S100Z: variants seen among roughly 807,000 people sequenced by gnomAD.
S100Z encodes the protein protein S100-Z.
In S100Z, 11 loss-of-function variants were observed where a neutral mutation model predicts 8.5. The ratio of observed to expected loss-of-function variants is 1.30; its 90% confidence interval spans 0.82 to 2.15. The LOEUF (loss-of-function observed/expected upper bound fraction) is 2.15. Among genes scored for constraint, S100Z ranks in the 30% most tolerant of loss-of-function variants. The pLI is 0.00. For synonymous variants in S100Z, 34 were observed against 43.8 expected (o/e 0.78, Z 0.89); for missense variants, 126 against 117.9 (o/e 1.07, Z -0.32).
At chr5:76,893,239 G>A (rs1446436251) in intron 4 of S100Z, among the ~76,000 whole-genome samples, 1 of 152,124 alleles carries the variant, frequency 6.6e-6, no homozygotes, top group African/African-American at 2.4e-5. Context: ...AATTTTTAAG[G>A]TATTGCTTTG....
At chr5:76,861,561 A>T (rs1751057130) in intron 1 of S100Z, among the ~76,000 whole-genome samples, 1 of 151,656 alleles carries the variant, frequency 6.6e-6, no homozygotes, top group African/African-American at 2.4e-5. Flanking sequence ...CTGGTCTCGA[A>T]CTCCTGACCT....
chr5:76,918,218 T>C (rs1005246298), intron 4 of S100Z, among the ~76,000 whole-genome samples: 1 of 152,208 alleles, frequency 6.6e-6, no homozygotes. Flanking sequence ...GTTTTTACTT[T>C]GTTTTTGAGA....
intron 3 of S100Z, among the ~76,000 whole-genome samples, chr5:76,875,742 C>G (rs1743169046): frequency 6.6e-6 from 1 of 152,116 alleles, no homozygotes; most frequent in Non-Finnish European, 1.5e-5. Flanking sequence ...GTATTTTTGA[C>G]TTTCACCAAT....
At chr5:76,895,786 T>C (rs1315569613) in intron 4 of S100Z, among the ~76,000 whole-genome samples, 4 of 146,030 alleles carry the variant, frequency 2.7e-5, no homozygotes, top group African/African-American at 1.0e-4. Flanking sequence ...TTTTTTTTTT[T>C]TGAGACAGAG....
rs138375200 is a variant in S100Z, at chr5:76,876,249, C to G, written c.141+749C>G. Among the ~76,000 whole-genome samples, 693 of 152,232 alleles carry G rather than the reference C, an allele frequency of 4.6e-3. 3 individuals are homozygous for G. The highest frequency in any genetic ancestry group is 0.016 in the African/African-American group (658 of 41,526). ...CTGTTAATTACAACACATGTTTCTCCCCACCCTCTATTTGGGAAAAGCTCT... is the reference window on the plus strand; with the variant it reads ...CTGTTAATTACAACACATGTTTCTCGCCACCCTCTATTTGGGAAAAGCTCT... On this transcript the variant is annotated intron_variant, in intron 3 of 4. Coordinates refer to ENST00000317593, the MANE Select transcript of S100Z (RefSeq NM_130772.4).
intron 4 of S100Z, among the ~76,000 whole-genome samples, chr5:76,894,390 C>T (rs202011967): frequency 6.6e-6 from 1 of 152,196 alleles, no homozygotes; most frequent in East Asian, 1.9e-4. Context: ...CTCAGGACCT[C>T]CTGAGGGCTG....
intron 1 of S100Z, among the ~76,000 whole-genome samples, chr5:76,857,037 C>T (rs1750900732): frequency 1.3e-5 from 2 of 152,132 alleles, no homozygotes; most frequent in African/African-American, 4.8e-5. Context: ...GTGGCTCATG[C>T]CTTTCCAGCA....
At chr5:76,875,848 C>T (rs1743173686) in intron 3 of S100Z, among the ~76,000 whole-genome samples, 1 of 152,102 alleles carries the variant, frequency 6.6e-6, no homozygotes, top group African/African-American at 2.4e-5. Context: ...GTCCAGCTGT[C>T]TGTAAATTAT....
chr5:76,890,390 C>T (rs958015886), intron 4 of S100Z, among the ~76,000 whole-genome samples: 1 of 151,940 alleles, frequency 6.6e-6, no homozygotes, highest in African/African-American at 2.4e-5. Context: ...GGAAGGCTTC[C>T]CAGAGGCAGA....
intron 4 of S100Z, among the ~76,000 whole-genome samples, chr5:76,899,388 A>ATT (rs545916640): frequency 4.8e-4 from 61 of 126,158 alleles, no homozygotes; most frequent in African/African-American, 1.7e-3. Flanking sequence ...CCATTTTGCT[A>ATT]TTTTTTTTTT....
chr5:76,915,550 A>G (rs923759510), intron 4 of S100Z, among the ~76,000 whole-genome samples: 13 of 150,922 alleles, frequency 8.6e-5, no homozygotes, highest in African/African-American at 3.2e-4. Flanking sequence ...GGAGCTTGCA[A>G]TGAGCCGAGA....
In S100Z at chr5:76,875,459, C is replaced by T; in HGVS notation, c.100C>T (p.Leu34=). The T allele has an allele frequency of 1.1e-5, 17 of 1,612,380 alleles. No homozygotes were observed. The highest frequency in any genetic ancestry group is 1.4e-5 in the Non-Finnish European group (17 of 1,179,292). Residue 34 remains leucine, a synonymous_variant, in exon 3 of 5, where the codon CTG becomes TTG. Transcript: ENST00000317593. ...RKRFKLSKGE[L]KLLLQRELTE... Reference sequence around the variant, plus strand: ...GAGATTCAAGCTCAGCAAGGGGGAACTGAAACTGCTCCTGCAGCGAGAGCT... The same window carrying T: ...GAGATTCAAGCTCAGCAAGGGGGAATTGAAACTGCTCCTGCAGCGAGAGCT...
intron 4 of S100Z, among the ~76,000 whole-genome samples, chr5:76,883,990 G>C (rs922924444): frequency 1.3e-5 from 2 of 150,292 alleles, no homozygotes; most frequent in Non-Finnish European, 2.9e-5. Flanking sequence ...ATTGCTACTT[G>C]GCTGCCTCTA....
At chr5:76,932,761 T>G in the S100Z span, among the ~76,000 whole-genome samples, 2 of 147,752 alleles carry the variant, frequency 1.4e-5, no homozygotes, top group African/African-American at 5.0e-5. Context: ...ACAAAGAAAA[T>G]TCATTTATTT....
intron 1 of S100Z, among the ~76,000 whole-genome samples, chr5:76,854,891 C>T (rs954284023): frequency 6.6e-6 from 1 of 152,246 alleles, no homozygotes; most frequent in African/African-American, 2.4e-5. Flanking sequence ...GGCCCCAGGG[C>T]CCCATCACCT....
intron 2 of S100Z, 127 bp downstream of exon 2, chr5:76,870,411 T>C (rs1481540418): frequency 2.0e-5 from 3 of 152,180 alleles, no homozygotes; most frequent in African/African-American, 7.2e-5. Flanking sequence ...TCTGCTTTAA[T>C]GTAACTTCTG....
chr5:76,897,607 A>G (rs1199668409), intron 4 of S100Z, among the ~76,000 whole-genome samples: 1 of 152,092 alleles, frequency 6.6e-6, no homozygotes, highest in Non-Finnish European at 1.5e-5. Flanking sequence ...CTTCCAATCC[A>G]TGAACATGAA....
At chr5:76,867,043 A>G (rs1468963760) in intron 1 of S100Z, among the ~76,000 whole-genome samples, 1 of 152,196 alleles carries the variant, frequency 6.6e-6, no homozygotes, top group African/African-American at 2.4e-5. Context: ...CTCTGCTACG[A>G]CATAGTTGTG....
At chr5:76,883,162 G>A (rs548618398) in intron 4 of S100Z, among the ~76,000 whole-genome samples, 67 of 152,244 alleles carry the variant, frequency 4.4e-4, no homozygotes, top group Admixed American at 1.2e-3. Context: ...GGGTGATTAG[G>A]TTTTAATGGG....
Sources: gnomAD v4.1 joint callset for allele counts (sites outside exome capture counted in the v4.1 genomes callset) on GRCh38, gnomAD v4.1.1 for gene constraint, MANE v1.5 for transcripts, NCBI Gene and HGNC (gene_info 2026-07-23, HGNC 2026-07-21) for gene names.